CTNND2: variants seen among roughly 807,000 people sequenced by gnomAD.
The protein encoded by CTNND2 is catenin delta-2.
A neutral mutation model predicts 144.4 loss-of-function variants in CTNND2; 22 were observed. The ratio of observed to expected loss-of-function variants is 0.15; its 90% CI spans 0.11 to 0.22. The LOEUF is 0.22. CTNND2 is among the 10% of genes least tolerant of loss of function. The probability of loss-of-function intolerance (pLI) is 1.00; values close to 1 mark genes in which losing one functional copy is unlikely to be tolerated. For synonymous variants in CTNND2, 751 were observed against 695.6 expected, an observed-to-expected ratio of 1.08 and a Z score of -1.25; for missense variants, 1,353 against 1,618.8, an observed-to-expected ratio of 0.84 and a Z score of 2.82.
intron 1 of CTNND2, among the ~76,000 whole-genome samples, chr5:11,816,476 G>A (rs1392912188): frequency 2.0e-5 from 3 of 150,846 alleles, no homozygotes; most frequent in African/African-American, 7.3e-5. Flanking sequence ...TCAGAAAAAC[G>A]CAATAGAGGG....
intron 4 of CTNND2, among the ~76,000 whole-genome samples, 176 bp downstream of exon 4, chr5:11,411,859 A>G (rs1322759086): frequency 1.3e-5 from 2 of 152,358 alleles, no homozygotes; most frequent in African/African-American, 2.4e-5. Context: ...TAGTTACTAC[A>G]GAATTGAAAG....
At chr5:11,637,593 C>A (rs922498258) in intron 2 of CTNND2, among the ~76,000 whole-genome samples, 5 of 152,152 alleles carry the variant, frequency 3.3e-5, no homozygotes, top group Non-Finnish European at 5.9e-5. Flanking sequence ...TAGACTAGCA[C>A]ACACATTCTG....
chr5:11,780,696 G>A (rs1790498046), intron 1 of CTNND2, among the ~76,000 whole-genome samples: 1 of 152,214 alleles, frequency 6.6e-6, no homozygotes, highest in African/African-American at 2.4e-5. Context: ...GATCCTACAA[G>A]GAGGGAGATG....
chr5:11,517,272 C>A (rs1772250993), intron 3 of CTNND2, among the ~76,000 whole-genome samples: 1 of 152,214 alleles, frequency 6.6e-6, no homozygotes, highest in South Asian at 2.1e-4. Context: ...ACAACTTACA[C>A]TTATTAATTG....
chr5:11,216,824 G>A (rs1052348302), intron 10 of CTNND2, among the ~76,000 whole-genome samples: 14 of 152,332 alleles, frequency 9.2e-5, no homozygotes, highest in African/African-American at 3.1e-4. Context: ...AACAGCAGAG[G>A]GTTGCTGTGC....
intron 6 of CTNND2, 105 bp from the exon 7 acceptor site, chr5:11,385,334 G>C (rs1442332769): frequency 2.5e-6 from 2 of 791,664 alleles, no homozygotes; most frequent in Non-Finnish European, 3.1e-6. Flanking sequence ...GGGATGCCGC[G>C]GGCGCCCGGC....
intron 2 of CTNND2, among the ~76,000 whole-genome samples, chr5:11,650,220 T>C (rs190987359): frequency 1.7e-3 from 264 of 152,264 alleles, no homozygotes; most frequent in Middle Eastern, 0.017. Flanking sequence ...CAACCCCTCC[T>C]CCTTCACTCT....
chr5:11,818,790 AC>A, intron 1 of CTNND2, among the ~76,000 whole-genome samples: 1 of 152,256 alleles, frequency 6.6e-6, no homozygotes, highest in South Asian at 2.1e-4. Flanking sequence ...TCACACATCC[AC>A]CAGGAAAAGC....
intron 2 of CTNND2, among the ~76,000 whole-genome samples, chr5:11,676,845 T>A (rs1784199456): frequency 6.6e-6 from 1 of 152,218 alleles, no homozygotes; most frequent in African/African-American, 2.4e-5. Flanking sequence ...ATGAAATCTA[T>A]GACTTCCATT....
chr5:11,104,944 G>T (rs1351756008), intron 14 of CTNND2, among the ~76,000 whole-genome samples: 2 of 152,210 alleles, frequency 1.3e-5, no homozygotes, highest in Non-Finnish European at 2.9e-5. Flanking sequence ...CCTCCTGTGG[G>T]GGGCCACGGG....
chr5:11,746,283 T>C (rs1385437551), intron 1 of CTNND2, among the ~76,000 whole-genome samples: 1 of 152,160 alleles, frequency 6.6e-6, no homozygotes, highest in Non-Finnish European at 1.5e-5. Context: ...CACCAAGACT[T>C]TTGTTGGCTG....
At chr5:11,770,629 G>A (rs550648076) in intron 1 of CTNND2, among the ~76,000 whole-genome samples, 1 of 152,236 alleles carries the variant, frequency 6.6e-6, no homozygotes, top group East Asian at 1.9e-4. Context: ...CCCTTCCCCT[G>A]AGGCAAATGT....
intron 1 of CTNND2, among the ~76,000 whole-genome samples, chr5:11,766,331 C>A (rs922340158): frequency 1.3e-5 from 2 of 152,114 alleles, no homozygotes; most frequent in Non-Finnish European, 2.9e-5. Context: ...TGTGTCCCCA[C>A]CCAAATCTCA....
chr5:11,432,973 A>G (rs983509203), intron 3 of CTNND2, among the ~76,000 whole-genome samples: 2 of 152,200 alleles, frequency 1.3e-5, no homozygotes, highest in Non-Finnish European at 2.9e-5. Flanking sequence ...AGCCGGGTGC[A>G]GTGGCTCACG....
At chr5:11,021,100 A>C (rs559183283) in intron 17 of CTNND2, among the ~76,000 whole-genome samples, 1 of 152,290 alleles carries the variant, frequency 6.6e-6, no homozygotes, top group African/African-American at 2.4e-5. Context: ...GGTTTCTTCG[A>C]GTGATTTGTA....
At chr5:11,397,247 A>C in intron 5 of CTNND2, 44 bp from the exon 6 acceptor site, 2 of 1,555,324 alleles carry the variant, frequency 1.3e-6, no homozygotes, top group Non-Finnish European at 1.8e-6. Flanking sequence ...AGTCTCAGTG[A>C]AGCAGAAATG....
At chr5:11,220,400 T>C (rs1739668010) in intron 10 of CTNND2, among the ~76,000 whole-genome samples, 1 of 152,066 alleles carries the variant, frequency 6.6e-6, no homozygotes, top group Non-Finnish European at 1.5e-5. Flanking sequence ...TCCCCTGGGA[T>C]TTAAGGGAAA....
intron 3 of CTNND2, among the ~76,000 whole-genome samples, chr5:11,517,242 T>C (rs1394386625): frequency 6.6e-6 from 1 of 152,216 alleles, no homozygotes; most frequent in Non-Finnish European, 1.5e-5. Context: ...TAACTTTACA[T>C]CTATTTTAAC....
At chr5:11,584,153 G>A (rs1405048317) in intron 2 of CTNND2, among the ~76,000 whole-genome samples, 1 of 152,158 alleles carries the variant, frequency 6.6e-6, no homozygotes, top group African/African-American at 2.4e-5. Flanking sequence ...AGAAGAGCAT[G>A]GGGGCTTGAA....
Sources: gnomAD v4.1 joint callset for allele counts (sites outside exome capture counted in the v4.1 genomes callset) on GRCh38, gnomAD v4.1.1 for gene constraint, MANE v1.5 for transcripts, NCBI Gene and HGNC (gene_info 2026-07-23, HGNC 2026-07-21) for gene names.